Variants in GALNT17 observed in about 807,000 individuals in gnomAD.
GALNT17 encodes polypeptide N-acetylgalactosaminyltransferase 17, also known as UDP-GalNAc:polypeptide N-acetylgalactosaminyltransferase-like 3.
A neutral mutation model predicts 63.7 loss-of-function variants in GALNT17; 29 were observed. That is an observed-to-expected ratio of 0.46 (90% CI 0.34 to 0.62). The LOEUF is 0.62. Among genes scored for constraint, GALNT17 ranks in the 20% least tolerant of loss-of-function variants. GALNT17 has a pLI of 0.01. For synonymous variants in GALNT17, 305 were observed against 318.3 expected (o/e 0.96, Z 0.45); for missense variants, 603 against 799.6 (o/e 0.75, Z 2.97).
intron 1 of GALNT17, among the ~76,000 whole-genome samples, chr7:71,235,005 C>T (rs1436736509): frequency 6.6e-6 from 1 of 152,116 alleles, no homozygotes; most frequent in African/African-American, 2.4e-5. Context: ...AATCCTAGCA[C>T]TTTGGGAGGC....
intron 5 of GALNT17, among the ~76,000 whole-genome samples, chr7:71,529,475 A>G (rs1353295790): frequency 1.3e-5 from 2 of 152,226 alleles, no homozygotes; most frequent in Non-Finnish European, 2.9e-5. Flanking sequence ...GATTTAAACC[A>G]TGTGACATAA....
At chr7:71,542,288 T>G (rs1303816112) in intron 5 of GALNT17, among the ~76,000 whole-genome samples, 1 of 152,080 alleles carries the variant, frequency 6.6e-6, no homozygotes, top group African/African-American at 2.4e-5. Context: ...AATATACTTG[T>G]GTAATAAAAC....
chr7:71,420,704 G>A (rs941399045), intron 4 of GALNT17, among the ~76,000 whole-genome samples: 4 of 152,112 alleles, frequency 2.6e-5, no homozygotes, highest in African/African-American at 4.8e-5. Flanking sequence ...AAAGGGGTGC[G>A]CTGATTTCAC....
intron 9 of GALNT17, among the ~76,000 whole-genome samples, chr7:71,684,023 A>AG (rs1791311511): frequency 6.6e-6 from 1 of 151,312 alleles, no homozygotes; most frequent in Admixed American, 6.6e-5. Flanking sequence ...AAAAAAAAAA[A>AG]AAACAAAAGA....
chr7:71,478,882 G>C (rs1403698305), intron 5 of GALNT17, among the ~76,000 whole-genome samples: 1 of 152,230 alleles, frequency 6.6e-6, no homozygotes, highest in Non-Finnish European at 1.5e-5. Flanking sequence ...TGTGGACAAA[G>C]TGGCAGCTGG....
chr7:71,484,496 C>A (rs11979250), intron 5 of GALNT17, among the ~76,000 whole-genome samples: 1 of 152,044 alleles, frequency 6.6e-6, no homozygotes, highest in Non-Finnish European at 1.5e-5. Context: ...TCAAAAAAAA[C>A]TAGTATGTAT....
intron 2 of GALNT17, among the ~76,000 whole-genome samples, chr7:71,387,612 C>G (rs2116339985): frequency 6.6e-6 from 1 of 152,252 alleles, no homozygotes; most frequent in African/African-American, 2.4e-5. Flanking sequence ...AGGTGTGAGG[C>G]ACTGCACCGT....
At chr7:71,296,959 G>T (rs1347285079) in intron 1 of GALNT17, among the ~76,000 whole-genome samples, 1 of 152,182 alleles carries the variant, frequency 6.6e-6, no homozygotes, top group Non-Finnish European at 1.5e-5. Flanking sequence ...GAAGTTGAAG[G>T]ATAGGAAACT....
chr7:71,403,888 G>T (rs918342645), intron 3 of GALNT17, among the ~76,000 whole-genome samples: 1 of 152,116 alleles, frequency 6.6e-6, no homozygotes, highest in South Asian at 2.1e-4. Context: ...GAAGAGATTC[G>T]CCAGCTTCTG....
At chr7:71,673,724 C>T (rs1791105362) in intron 8 of GALNT17, among the ~76,000 whole-genome samples, 1 of 152,208 alleles carries the variant, frequency 6.6e-6, no homozygotes, top group African/African-American at 2.4e-5. Context: ...AAGCTATTCT[C>T]CCACCTCAGC....
At chr7:71,357,687 A>G (rs1243007151) in intron 2 of GALNT17, among the ~76,000 whole-genome samples, 2 of 152,112 alleles carry the variant, frequency 1.3e-5, no homozygotes, top group African/African-American at 2.4e-5. Context: ...TGGGTGGATC[A>G]TTTGAGGTCG....
At chr7:71,660,959 A>G (rs1314031808) in intron 6 of GALNT17, among the ~76,000 whole-genome samples, 1 of 152,192 alleles carries the variant, frequency 6.6e-6, no homozygotes, top group Non-Finnish European at 1.5e-5. Context: ...TCCCTTGCAC[A>G]GCCATGCCGC....
In GALNT17 at chr7:71,369,877, G is replaced by A. The variant is rs567797139; in HGVS notation, c.423-18358G>A. On this transcript the variant is annotated intron_variant, in intron 2 of 10. Transcript: ENST00000333538. ...TATTATTGACCTGTGTCAGAGGGAT[G>A]GTCCAGATGGCAGGGAGAATTCTAC... Among the ~76,000 whole-genome samples the A allele has an allele frequency of 2.0e-5, 3 of 151,280 alleles. No individual in the cohort carries two copies. The East Asian group carries it at 5.8e-4, about 29-fold the overall frequency.
chr7:71,240,650 A>C (rs1789976185), intron 1 of GALNT17, among the ~76,000 whole-genome samples: 1 of 151,040 alleles, frequency 6.6e-6, no homozygotes, highest in Admixed American at 6.6e-5. Flanking sequence ...GCGTATACGT[A>C]CCATATTTTC....
intron 5 of GALNT17, among the ~76,000 whole-genome samples, chr7:71,530,541 T>A (rs1271261528): frequency 8.7e-4 from 4 of 4,624 alleles, no homozygotes; most frequent in African/African-American, 2.7e-3. Context: ...TACAAGAATT[T>A]ATTTATTTAT....
At chr7:71,588,176 A>G (rs1374689484) in intron 6 of GALNT17, among the ~76,000 whole-genome samples, 1 of 152,146 alleles carries the variant, frequency 6.6e-6, no homozygotes, top group African/African-American at 2.4e-5. Context: ...GTAAATCATT[A>G]TTTCATACTA....
intron 2 of GALNT17, among the ~76,000 whole-genome samples, chr7:71,336,121 C>T (rs577189936): frequency 1.1e-4 from 16 of 150,628 alleles, no homozygotes; most frequent in South Asian, 2.1e-4. Context: ...CTCAGCTCAC[C>T]GCAACCTCCG....
At chr7:71,682,083 T>C (rs537389085) in intron 9 of GALNT17, among the ~76,000 whole-genome samples, 2 of 152,154 alleles carry the variant, frequency 1.3e-5, no homozygotes, top group South Asian at 2.1e-4. Flanking sequence ...CCCACCACCA[T>C]GCCCAGCTAA....
At position 71,669,975 on chromosome 7, in the gene GALNT17, C is replaced by T; in HGVS notation, c.1270C>T (p.Pro424Ser). The T allele has an allele frequency of 6.2e-7, 1 of 1,614,030 alleles. No individual in the cohort carries two copies. Among genetic ancestry groups the T allele is most frequent in the Non-Finnish European group, 8.5e-7 (1 of 1,179,986 alleles). ...YIAWNLPLEN[P>S]GIDIGDVSER... is the part of the protein sequence containing the mutation. ...CTTGGCTTCTCTCTCCTTTCAGAAT[C>T]CGGGAATTGACATCGGTGATGTCTC... Residue 424 changes from proline (P) to serine (S), a missense_variant, in exon 8 of 11, where the codon CCG becomes TCG. Pro to Ser is a moderately conservative substitution (Grantham distance 74). Transcript: ENST00000333538.
Sources: gnomAD v4.1 joint callset for allele counts (sites outside exome capture counted in the v4.1 genomes callset) on GRCh38, gnomAD v4.1.1 for gene constraint, MANE v1.5 for transcripts, NCBI Gene and HGNC (gene_info 2026-07-23, HGNC 2026-07-21) for gene names.